Variants in RAB38 observed in about 807,000 individuals in gnomAD.
The protein encoded by RAB38 is ras-related protein Rab-38.
In RAB38, 15 loss-of-function variants were observed where a neutral mutation model predicts 18.4. That is an observed-to-expected ratio of 0.82 (90% CI 0.55 to 1.26). The LOEUF (loss-of-function observed/expected upper bound fraction) is 1.26, where lower values mean the gene tolerates loss of function less well. Among genes scored for constraint, RAB38 ranks in the 50% most tolerant of loss-of-function variants. The pLI is 0.00. For missense variants in RAB38, 294 were observed against 267.4 expected (o/e 1.10, Z -0.69); for synonymous variants, 101 against 104.4 (o/e 0.97, Z 0.20).
intron 2 of RAB38, among the ~76,000 whole-genome samples, chr11:88,119,571 A>T (rs1434146709): frequency 2.0e-5 from 3 of 151,896 alleles, no homozygotes; most frequent in Non-Finnish European, 2.9e-5. Flanking sequence ...ACAACTAACC[A>T]TCAGAGGTCC....
In RAB38 at chr11:88,117,680, C is replaced by A. The variant is rs1451951203; in HGVS notation, c.484-3540G>T. On this transcript the variant is annotated intron_variant, in intron 2 of 2. Transcript: ENST00000243662. ...TTTAGAGTACAGGCCTGGAGACAAA[C>A]CCTTATCTTAGTTCCCCTACTTTCT... Among the ~76,000 whole-genome samples, 5 of 152,142 alleles carry A rather than the reference C, an allele frequency of 3.3e-5. No individual in the cohort carries two copies. In the East Asian group the frequency reaches 9.6e-4, roughly 29 times the overall value.
At chr11:88,035,589 A>G in the RAB38 span, among the ~76,000 whole-genome samples, 5 of 152,228 alleles carry the variant, frequency 3.3e-5, no homozygotes, top group African/African-American at 9.6e-5. Context: ...AAGGGCAAGA[A>G]GAGTCCAGCA....
At chr11:87,833,543 ATAAT>A in the RAB38 span, among the ~76,000 whole-genome samples, 1 of 152,350 alleles carries the variant, frequency 6.6e-6, no homozygotes, top group East Asian at 1.9e-4. Context: ...ATGATAACAG[ATAAT>A]TAAACACAGC....
the RAB38 span, among the ~76,000 whole-genome samples, chr11:88,016,683 C>G: frequency 9.9e-5 from 15 of 151,966 alleles, no homozygotes; most frequent in Non-Finnish European, 1.9e-4. Flanking sequence ...CAGCTATTTC[C>G]TGGTGTAAAA....
the RAB38 span, among the ~76,000 whole-genome samples, chr11:87,937,782 A>T: frequency 3.4e-5 from 5 of 148,286 alleles, no homozygotes; most frequent in Non-Finnish European, 7.4e-5. Flanking sequence ...AATATCTTCT[A>T]TTACTTCACT....
chr11:88,169,092 T>G (rs1344783284), intron 1 of RAB38, among the ~76,000 whole-genome samples: 1 of 152,208 alleles, frequency 6.6e-6, no homozygotes, highest in African/African-American at 2.4e-5. Context: ...AAAAAAGTGC[T>G]GTCTCTGGTC....
At chr11:88,015,503 T>C in the RAB38 span, among the ~76,000 whole-genome samples, 7 of 152,138 alleles carry the variant, frequency 4.6e-5, no homozygotes, top group Non-Finnish European at 1.0e-4. Context: ...ACATAATAAG[T>C]GATCGATAGG....
At chr11:88,049,569 G>A in the RAB38 span, among the ~76,000 whole-genome samples, 3 of 152,292 alleles carry the variant, frequency 2.0e-5, no homozygotes, top group East Asian at 5.8e-4. Context: ...GCACCCAGGT[G>A]AAATAAACAG....
the RAB38 span, among the ~76,000 whole-genome samples, chr11:88,107,318 C>T: frequency 2.0e-5 from 3 of 152,084 alleles, no homozygotes; most frequent in Non-Finnish European, 4.4e-5. Flanking sequence ...TGCTAATCAA[C>T]TTTGCATTTC....
Position 88,149,900 on chromosome 11 carries a change from T to C in RAB38, c.258A>G (p.Ala86=), listed in dbSNP as rs766837126. ...GCCTGGTGACATCGAAGACAATAAA[T>C]GCACCCATAGCTTCTCGGTAATAGA... ...TRVYYREAMG[A]FIVFDVTRPA... Residue 86 remains alanine, a synonymous_variant, in exon 2 of 3, where the codon GCA becomes GCG. Coordinates refer to ENST00000243662, the MANE Select transcript of RAB38 (RefSeq NM_022337.3). 9 of 1,614,048 alleles carry C rather than the reference T, an allele frequency of 5.6e-6. No individual in the cohort carries two copies. Among genetic ancestry groups the C allele is most frequent in the Non-Finnish European group, 7.6e-6 (9 of 1,179,976 alleles).
chr11:87,955,233 TATTCTTTA>T, the RAB38 span, among the ~76,000 whole-genome samples: 69 of 152,244 alleles, frequency 4.5e-4, no homozygotes, highest in Admixed American at 1.8e-3. Context: ...GCTCTTCTCT[TATTCTTTA>T]ATCCAGCAAA....
chr11:87,907,110 A>G, the RAB38 span, among the ~76,000 whole-genome samples: 1 of 151,940 alleles, frequency 6.6e-6, no homozygotes, highest in Non-Finnish European at 1.5e-5. Context: ...ATAGTTATGT[A>G]TGGTATGACA....
chr11:88,037,857 CT>C, the RAB38 span, among the ~76,000 whole-genome samples: 2 of 151,970 alleles, frequency 1.3e-5, no homozygotes, highest in Non-Finnish European at 2.9e-5. Flanking sequence ...TGGGAAGTAT[CT>C]GTTTCAATCT....
At chr11:87,935,920 G>A in the RAB38 span, among the ~76,000 whole-genome samples, 12 of 152,050 alleles carry the variant, frequency 7.9e-5, no homozygotes, top group South Asian at 4.2e-4. Flanking sequence ...GTTTTATATC[G>A]TTCATGTGCT....
At chr11:87,930,491 A>G in the RAB38 span, among the ~76,000 whole-genome samples, 2 of 152,152 alleles carry the variant, frequency 1.3e-5, no homozygotes, top group African/African-American at 4.8e-5. Context: ...GTAGATTGCA[A>G]AAATTTTCTC....
the RAB38 span, chr11:88,098,729 G>A: frequency 6.6e-6 from 1 of 151,942 alleles, no homozygotes; most frequent in Admixed American, 6.6e-5. Flanking sequence ...AGGCCACGCT[G>A]TAAGTGTGCT....
chr11:87,817,830 T>C, the RAB38 span, among the ~76,000 whole-genome samples: 1 of 152,180 alleles, frequency 6.6e-6, no homozygotes, highest in Non-Finnish European at 1.5e-5. Flanking sequence ...TATTATGAAG[T>C]AATTGATCAT....
chr11:88,137,735 T>C (rs371302761), intron 2 of RAB38, among the ~76,000 whole-genome samples: 4 of 152,212 alleles, frequency 2.6e-5, no homozygotes, highest in African/African-American at 9.6e-5. Context: ...CAAAGGTTTA[T>C]ATAAAGCACA....
At chr11:87,824,761 G>A in the RAB38 span, among the ~76,000 whole-genome samples, 1 of 152,108 alleles carries the variant, frequency 6.6e-6, no homozygotes, top group Non-Finnish European at 1.5e-5. Context: ...CATTCCAGGA[G>A]GTCCAAAATG....
Sources: gnomAD v4.1 joint callset for allele counts (sites outside exome capture counted in the v4.1 genomes callset) on GRCh38, gnomAD v4.1.1 for gene constraint, MANE v1.5 for transcripts, NCBI Gene and HGNC (gene_info 2026-07-23, HGNC 2026-07-21) for gene names.